Variants in VAMP7 observed in about 807,000 individuals in gnomAD.
The protein encoded by VAMP7 is vesicle-associated membrane protein 7.
A neutral mutation model predicts 29.6 loss-of-function variants in VAMP7; 14 were observed. That is an observed-to-expected ratio of 0.47 (90% confidence interval 0.31 to 0.74). The LOEUF is 0.74. Among genes scored for constraint, VAMP7 ranks in the 30% least tolerant of loss-of-function variants. The pLI, the probability that VAMP7 is intolerant of heterozygous loss-of-function variation, is 0.05. For missense variants in VAMP7, 223 were observed against 262.4 expected (o/e 0.85, Z 1.04); for synonymous variants, 95 against 88.1 (o/e 1.08, Z -0.44).
chrX:155,926,477 C>T (rs749185050), intron 6 of VAMP7, among the ~76,000 whole-genome samples: 5 of 152,322 alleles, frequency 3.3e-5, no homozygotes, highest in South Asian at 4.1e-4. Flanking sequence ...GCACCTTCCT[C>T]GCCTCTCTCA....
intron 1 of VAMP7, among the ~76,000 whole-genome samples, chrX:155,885,445 T>C (rs2065853547): frequency 6.6e-6 from 1 of 152,210 alleles, no homozygotes; most frequent in Non-Finnish European, 1.5e-5. Flanking sequence ...GCCTTTTGGC[T>C]AAGATCAGGT....
intron 5 of VAMP7, among the ~76,000 whole-genome samples, chrX:155,909,861 T>C (rs766777454): frequency 6.6e-6 from 1 of 152,148 alleles, no homozygotes; most frequent in Admixed American, 6.5e-5. Flanking sequence ...CGTGTGATAT[T>C]TTGTTACATG....
At chrX:155,894,301 G>GTTT (rs1195549080) in intron 2 of VAMP7, among the ~76,000 whole-genome samples, 1,114 of 64,838 alleles carry the variant, frequency 0.017, 7 homozygotes, top group African/African-American at 0.029. Context: ...TGTGTCCTTT[G>GTTT]TTTTTTTTTT....
chrX:155,907,445 G>A (rs1388905454), intron 5 of VAMP7, among the ~76,000 whole-genome samples: 3 of 151,616 alleles, frequency 2.0e-5, no homozygotes, highest in African/African-American at 7.3e-5. Context: ...TGTGTCCCTG[G>A]GTACTTGAGA....
rs750779657 is a variant in VAMP7 at position 155,933,264 on chromosome X, T to C, written c.502-6437T>C. ...CCTCATTTTCTATTGATAGGAATAG[T>C]TTCAGAAGGAATGGTGTCAGCTCCT... On this transcript the variant is annotated intron_variant, in intron 6 of 7. Transcript: ENST00000286448. Among the ~76,000 whole-genome samples, 205 of 152,318 alleles carry C rather than the reference T, an allele frequency of 1.3e-3. 3 individuals carry two copies. The highest frequency in any genetic ancestry group is 4.6e-3 in the African/African-American group (190 of 41,574).
intron 2 of VAMP7, among the ~76,000 whole-genome samples, chrX:155,893,117 C>T (rs2065944979): frequency 6.6e-6 from 1 of 152,112 alleles, no homozygotes; most frequent in Non-Finnish European, 1.5e-5. Flanking sequence ...TTCTTGATGG[C>T]AGGGATCATA....
intron 6 of VAMP7, among the ~76,000 whole-genome samples, chrX:155,929,429 A>G (rs2066515922): frequency 6.6e-6 from 1 of 152,112 alleles, no homozygotes; most frequent in Non-Finnish European, 1.5e-5. Flanking sequence ...TCAGCAACAA[A>G]TTGCCTTTAA....
Position 155,909,118 on chromosome X carries a change from T to C in VAMP7, c.433+8531T>C, listed in dbSNP as rs370558253. Among the ~76,000 whole-genome samples the C allele has an allele frequency of 1.5e-4, 23 of 152,310 alleles. 1 individual carries two copies. The highest frequency in any genetic ancestry group is 5.5e-4 in the African/African-American group (23 of 41,568). On this transcript the variant is annotated intron_variant, in intron 5 of 7. Coordinates refer to ENST00000286448, the MANE Select transcript of VAMP7 (RefSeq NM_005638.6). The stretch of plus-strand genomic sequence containing the variant: ...CTAGGATTACAGGCATGAGCCTCCA[T>C]GCCCGGCCTGAAGTTTTAAAATTAC...
chrX:155,936,432 G>C (rs902004011), intron 6 of VAMP7, among the ~76,000 whole-genome samples: 10 of 152,288 alleles, frequency 6.6e-5, no homozygotes, highest in African/African-American at 2.4e-4. Context: ...CTGCCACCTT[G>C]CAGTTCAATC....
At chrX:155,929,671 C>A (rs1486425715) in intron 6 of VAMP7, among the ~76,000 whole-genome samples, 1 of 152,084 alleles carries the variant, frequency 6.6e-6, no homozygotes, top group Non-Finnish European at 1.5e-5. Flanking sequence ...CCCAGATATT[C>A]TTGTCCCGTG....
Position 155,900,553 on chromosome X carries a change from G to A in VAMP7, c.399G>A (p.Val133=), listed in dbSNP as rs754949876. The A allele has an allele frequency of 6.2e-6, 10 of 1,610,756 alleles. No individual in the cohort carries two copies. Among genetic ancestry groups the A allele is most frequent in the Admixed American group, 3.4e-5 (2 of 59,690 alleles). Residue 133 remains valine, a synonymous_variant, in exon 5 of 8, where the codon GTG becomes GTA. Transcript: ENST00000286448. The part of the protein sequence containing the change: ...LDKVMETQAQ[V]DELKGIMVRN... ...AAGTGATGGAGACTCAAGCCCAAGT[G>A]GATGAACTGAAAGGAATCATGGTCA...
chrX:155,904,562 A>G (rs1386227577), intron 5 of VAMP7, among the ~76,000 whole-genome samples: 1 of 152,026 alleles, frequency 6.6e-6, no homozygotes, highest in African/African-American at 2.4e-5. Context: ...TATCATCCCT[A>G]AATGAAGCCC....
intron 5 of VAMP7, among the ~76,000 whole-genome samples, chrX:155,901,439 A>G (rs1468496845): frequency 6.6e-6 from 1 of 152,088 alleles, no homozygotes; most frequent in African/African-American, 2.4e-5. Flanking sequence ...TTGCAGATGC[A>G]TAAAGTTTCC....
chrX:155,898,341 A>G, intron 4 of VAMP7, 92 bp downstream of exon 4: 1 of 1,472,600 alleles, frequency 6.8e-7, no homozygotes, highest in Non-Finnish European at 9.1e-7. Context: ...CCTGCAATAT[A>G]GTTTTCTGAT....
intron 5 of VAMP7, among the ~76,000 whole-genome samples, chrX:155,902,251 G>A (rs1193057809): frequency 6.6e-6 from 1 of 151,970 alleles, no homozygotes; most frequent in African/African-American, 2.4e-5. Flanking sequence ...TTGCTTATCA[G>A]CTTAAGGGGA....
chrX:155,941,362 A>G (rs1236188114), intron 7 of VAMP7, among the ~76,000 whole-genome samples: 1 of 152,052 alleles, frequency 6.6e-6, no homozygotes, highest in Non-Finnish European at 1.5e-5. Flanking sequence ...TGTTTTGGTC[A>G]TCGTAATTAT....
chrX:155,919,082 A>G lies in VAMP7; in HGVS notation c.434-731A>G, dbSNP rs185522843. Among the ~76,000 whole-genome samples the G allele has an allele frequency of 3.3e-3, 497 of 152,186 alleles. 2 individuals are homozygous for G. The highest frequency in any genetic ancestry group is 0.011 in the African/African-American group (470 of 41,526). On this transcript the variant is annotated intron_variant, in intron 5 of 7. Transcript: ENST00000286448. ...CTTATCAGGTTTTGGTATCAGGGTA[A>G]TGCTGGCCTTATAGAATGAGTAGGG...
At chrX:155,907,233 T>G (rs2066159373) in intron 5 of VAMP7, among the ~76,000 whole-genome samples, 2 of 152,012 alleles carry the variant, frequency 1.3e-5, no homozygotes, top group African/African-American at 4.8e-5. Context: ...GTCTGTATTT[T>G]TAAGAGTTGT....
intron 4 of VAMP7, among the ~76,000 whole-genome samples, chrX:155,899,125 C>T (rs1305659104): frequency 6.6e-6 from 1 of 151,670 alleles, no homozygotes; most frequent in African/African-American, 2.4e-5. Flanking sequence ...TTTGTGTGGA[C>T]ATATGTTTTT....
Sources: allele counts gnomAD v4.1 joint callset (sites outside exome capture counted in the v4.1 genomes callset), GRCh38; gene constraint gnomAD v4.1.1; transcripts MANE v1.5; gene names NCBI Gene and HGNC (gene_info 2026-07-23, HGNC 2026-07-21).